Variants in GARRE1 observed in about 807,000 individuals in gnomAD.
GARRE1 encodes granule associated Rac and RHOG effector 1, also known as granule associated Rac and RHOG effector protein 1.
In GARRE1, 49 loss-of-function variants were observed where a neutral mutation model predicts 103.2. That is an observed-to-expected ratio of 0.47 (90% CI 0.38 to 0.60). The LOEUF is 0.60. Among genes scored for constraint, GARRE1 ranks in the 20% least tolerant of loss-of-function variants. The probability of loss-of-function intolerance (pLI) is 0.00; values close to 1 mark genes in which losing one functional copy is unlikely to be tolerated. For missense variants in GARRE1, 1,199 were observed against 1,370.5 expected (o/e 0.87, Z 1.98); for synonymous variants, 505 against 532.8 (o/e 0.95, Z 0.72).
intron 3 of GARRE1, among the ~76,000 whole-genome samples, chr19:34,326,823 A>T (rs912005257): frequency 6.6e-6 from 1 of 152,046 alleles, no homozygotes; most frequent in Non-Finnish European, 1.5e-5. Context: ...ATAACAAATA[A>T]CAAGTAGGTA....
Position 34,305,847 on chromosome 19 carries a change from GT to G in GARRE1, c.495+4886del, listed in dbSNP as rs539054861. ...GATTAGATAGTTGGAATACTACCAT[GT>G]TTTTTTGTACATAATGGGCTGAACA... On this transcript the variant is annotated intron_variant, in intron 2 of 13. Transcript: ENST00000299505. Among the ~76,000 whole-genome samples, 8 of 152,282 alleles carry G rather than the reference GT, an allele frequency of 5.3e-5. No homozygotes were observed. In the East Asian group the frequency reaches 1.5e-3, roughly 29 times the overall value.
Position 34,339,750 on chromosome 19 carries a change from T to C in GARRE1, c.1362-117T>C, listed in dbSNP as rs538228427. On this transcript the variant is annotated intron_variant, in intron 8 of 13. Coordinates refer to ENST00000299505, the MANE Select transcript of GARRE1 (RefSeq NM_014686.5). ...GTTCTCTCCATGTTCTTACAGTTAC[T>C]GAATTTTTGCTGGGCGCCAGAGGTA... The C allele has an allele frequency of 4.9e-6, 6 of 1,221,980 alleles. No individual in the cohort carries two copies. The South Asian group carries it at 8.1e-5, about 17-fold the overall frequency. 75.7% of individuals were successfully genotyped at this position (1,221,980 alleles called of 1,614,324 possible). A position where few individuals can be genotyped will look rare whatever the true frequency, so the allele number is the denominator to read the frequency against.
chr19:34,349,376 G>A (rs1460550426), intron 12 of GARRE1, among the ~76,000 whole-genome samples: 1 of 152,110 alleles, frequency 6.6e-6, no homozygotes, highest in Admixed American at 6.5e-5. Flanking sequence ...TTTGGGAGAC[G>A]GGGTGGCCGG....
intron 2 of GARRE1, among the ~76,000 whole-genome samples, chr19:34,303,000 C>T (rs1253941804): frequency 1.3e-5 from 2 of 151,880 alleles, no homozygotes; most frequent in African/African-American, 2.4e-5. Flanking sequence ...CCACCTCATC[C>T]TTCCAAAGTG....
In GARRE1 at chr19:34,283,046, A is replaced by G. The variant is rs558553852; in HGVS notation, c.-795-16633A>G. On this transcript the variant is annotated intron_variant, in intron 1 of 13. Transcript: ENST00000299505. ...GTTATGTCACTGGGATTTGGGGAGG[A>G]TGGAGAGGTAAGTGCACTTGCCTGT... Among the ~76,000 whole-genome samples, 10 of 152,222 alleles carry G rather than the reference A, an allele frequency of 6.6e-5. No homozygotes were observed. The South Asian group carries it at 1.9e-3, about 28-fold the overall frequency.
chr19:34,306,156 T>C (rs2074006709), intron 2 of GARRE1, among the ~76,000 whole-genome samples: 1 of 152,210 alleles, frequency 6.6e-6, no homozygotes, highest in Admixed American at 6.5e-5. Context: ...CTTTTGGTTT[T>C]TTAAGGATTT....
At chr19:34,267,781 T>G (rs1439762537) in intron 1 of GARRE1, among the ~76,000 whole-genome samples, 2 of 141,596 alleles carry the variant, frequency 1.4e-5, no homozygotes, top group Admixed American at 1.4e-4. Flanking sequence ...GGTTTTTTTG[T>G]TTTTTTTTTT....
chr19:34,307,095 C>T (rs1219662331), intron 2 of GARRE1, among the ~76,000 whole-genome samples: 1 of 152,078 alleles, frequency 6.6e-6, no homozygotes, highest in East Asian at 1.9e-4. Context: ...AAAGAACCTG[C>T]TGTGGCTAAA....
In GARRE1 at chr19:34,300,877, TA is replaced by T; in HGVS notation, c.407del (p.Lys136SerfsTer8). 6.2e-7 allele frequency: 1 copy of T among 1,612,816 alleles called. No individual in the cohort carries two copies. The highest frequency in any genetic ancestry group is 8.5e-7 in the Non-Finnish European group (1 of 1,180,042). ...MEAASRLTSA[I>X]KPEIAKMLME... Reference sequence around the variant, plus strand: ...GCAGCCAGTCGGCTGACCTCGGCCATAAAGCCTGAGATCGCCAAGATGCTAA... The same window carrying T: ...GCAGCCAGTCGGCTGACCTCGGCCATAAGCCTGAGATCGCCAAGATGCTAA... On this transcript the variant is annotated frameshift_variant, in exon 2 of 14. Coordinates refer to ENST00000299505, the MANE Select transcript of GARRE1 (RefSeq NM_014686.5). LOFTEE classifies it high-confidence loss of function.
chr19:34,280,932 GTTT>G (rs35804155), intron 1 of GARRE1, among the ~76,000 whole-genome samples: 1 of 139,576 alleles, frequency 7.2e-6, no homozygotes, highest in African/African-American at 2.6e-5. Context: ...ATTCCAGTAG[GTTT>G]TTTTTTTTTT....
chr19:34,324,381 A>G (rs1487518639), intron 3 of GARRE1, among the ~76,000 whole-genome samples: 1 of 152,118 alleles, frequency 6.6e-6, no homozygotes, highest in Non-Finnish European at 1.5e-5. Flanking sequence ...AAAAGTAATT[A>G]TTATTGAAGT....
intron 1 of GARRE1, among the ~76,000 whole-genome samples, chr19:34,264,680 G>A (rs1486542676): frequency 6.6e-6 from 1 of 152,200 alleles, no homozygotes; most frequent in African/African-American, 2.4e-5. Flanking sequence ...TTATAGGTGT[G>A]AGCCACCACG....
At chr19:34,305,512 T>C (rs1036943554) in intron 2 of GARRE1, among the ~76,000 whole-genome samples, 1 of 152,216 alleles carries the variant, frequency 6.6e-6, no homozygotes, top group Non-Finnish European at 1.5e-5. Context: ...CAAAGGCTTT[T>C]ATTTTAACCT....
At chr19:34,258,525 C>A (rs2145948497) in intron 1 of GARRE1, among the ~76,000 whole-genome samples, 1 of 152,290 alleles carries the variant, frequency 6.6e-6, no homozygotes, top group Admixed American at 6.5e-5. Flanking sequence ...TGGCTCACGC[C>A]TGTAATCCCA....
chr19:34,320,214 A>G, intron 3 of GARRE1, 98 bp downstream of exon 3: 1 of 989,314 alleles, frequency 1.0e-6, no homozygotes, highest in Non-Finnish European at 1.5e-6. Flanking sequence ...TTTCATTTAG[A>G]AATGTACATT....
At chr19:34,271,203 A>C (rs1028845492) in intron 1 of GARRE1, among the ~76,000 whole-genome samples, 7 of 149,134 alleles carry the variant, frequency 4.7e-5, no homozygotes, top group Non-Finnish European at 1.0e-4. Context: ...GCTGTGCTCT[A>C]TCAGCTTCAG....
intron 2 of GARRE1, among the ~76,000 whole-genome samples, chr19:34,318,737 G>A (rs2074071312): frequency 6.6e-6 from 1 of 152,060 alleles, no homozygotes; most frequent in African/African-American, 2.4e-5. Flanking sequence ...GCCAGTTTTT[G>A]CCCTGTGTTA....
At chr19:34,347,616 C>G (rs1424463717) in intron 10 of GARRE1, among the ~76,000 whole-genome samples, 2 of 152,164 alleles carry the variant, frequency 1.3e-5, no homozygotes, top group Non-Finnish European at 2.9e-5. Context: ...TTGTTTCTTT[C>G]ACACTTAGCC....
In GARRE1 at chr19:34,342,091, TCAG is replaced by T. The variant is rs750781327; in HGVS notation, c.2164_2166del (p.Gln722del). On this transcript the variant is annotated inframe_deletion, in exon 10 of 14. Coordinates refer to ENST00000299505, the MANE Select transcript of GARRE1 (RefSeq NM_014686.5). ...TGACACCCCAGCCGGGACTGGCACC[TCAG>T]CAGCAGTCCCCAAAGCAGCAACAAC... The T allele has an allele frequency of 6.2e-7, 1 of 1,614,084 alleles. No homozygotes were observed. The highest frequency in any genetic ancestry group is 1.1e-5 in the South Asian group (1 of 91,070).
Sources: allele counts gnomAD v4.1 joint callset (sites outside exome capture counted in the v4.1 genomes callset), GRCh38; gene constraint gnomAD v4.1.1; transcripts MANE v1.5; gene names NCBI Gene and HGNC (gene_info 2026-07-23, HGNC 2026-07-21).